SNTG2: variants seen among roughly 807,000 people sequenced by gnomAD.
SNTG2 encodes gamma-2-syntrophin.
A neutral mutation model predicts 70.9 loss-of-function variants in SNTG2; 74 were observed. That is an observed-to-expected ratio of 1.04 (90% CI 0.86 to 1.27). The LOEUF (loss-of-function observed/expected upper bound fraction) is 1.27. Among genes scored for constraint, SNTG2 ranks in the 50% most tolerant of loss-of-function variants. SNTG2 has a pLI of 0.00. For synonymous variants in SNTG2, 278 were observed against 273.8 expected (o/e 1.02, Z -0.15); for missense variants, 717 against 690.7 (o/e 1.04, Z -0.43).
intron 16 of SNTG2, among the ~76,000 whole-genome samples, chr2:1,329,826 TC>T (rs1300411160): frequency 6.6e-6 from 1 of 152,208 alleles, no homozygotes; most frequent in African/African-American, 2.4e-5. Flanking sequence ...CGGAAGTTTT[TC>T]TCTGTCAAGA....
intron 1 of SNTG2, among the ~76,000 whole-genome samples, chr2:1,077,613 T>G (rs180749698): frequency 6.6e-6 from 1 of 152,202 alleles, no homozygotes; most frequent in African/African-American, 2.4e-5. Context: ...TTTATTTCTA[T>G]GTAATGAATC....
At chr2:1,195,666 G>T (rs1441116386) in intron 8 of SNTG2, among the ~76,000 whole-genome samples, 1 of 152,142 alleles carries the variant, frequency 6.6e-6, no homozygotes, top group Non-Finnish European at 1.5e-5. Flanking sequence ...CTCCCATTCT[G>T]TAGGCTGCCT....
intron 14 of SNTG2, among the ~76,000 whole-genome samples, chr2:1,289,489 G>T (rs79126128): frequency 1.5e-3 from 226 of 152,242 alleles, no homozygotes; most frequent in Middle Eastern, 6.8e-3. Context: ...GAAGCCCATG[G>T]CACACTTTGT....
rs141756298 is a variant in SNTG2 at position 1,183,782 on chromosome 2, G to A, written c.591+10599G>A. Among the ~76,000 whole-genome samples the A allele has an allele frequency of 3.8e-3, 577 of 152,038 alleles. 5 individuals carry two copies. The highest frequency in any genetic ancestry group is 0.013 in the African/African-American group (550 of 41,488). On this transcript the variant is annotated intron_variant, in intron 8 of 16. Transcript: ENST00000308624. ...TCAGATGCAAAAGGCATTTATTCTTGCTGAAGGAAAAATTAAGGAAACCTA... is the reference window on the plus strand; with the variant it reads ...TCAGATGCAAAAGGCATTTATTCTTACTGAAGGAAAAATTAAGGAAACCTA...
intron 14 of SNTG2, among the ~76,000 whole-genome samples, chr2:1,285,788 T>G (rs200853112): frequency 1.9e-5 from 1 of 53,264 alleles, no homozygotes; most frequent in Non-Finnish European, 4.1e-5. Context: ...GCAGGTCGTG[T>G]TTTTTTTTCC....
chr2:998,400 G>A (rs1433907838), intron 1 of SNTG2, among the ~76,000 whole-genome samples: 3 of 151,506 alleles, frequency 2.0e-5, no homozygotes, highest in Non-Finnish European at 4.4e-5. Flanking sequence ...AAAGAAATCG[G>A]AAAAAAATCA....
At chr2:1,089,193 C>A (rs893465635) in intron 2 of SNTG2, among the ~76,000 whole-genome samples, 6 of 152,196 alleles carry the variant, frequency 3.9e-5, no homozygotes, top group Non-Finnish European at 7.3e-5. Flanking sequence ...CCGACTCTTA[C>A]AAAATTTACC....
chr2:1,260,722 A>G (rs1678368133), intron 13 of SNTG2, among the ~76,000 whole-genome samples: 1 of 152,262 alleles, frequency 6.6e-6, no homozygotes, highest in Non-Finnish European at 1.5e-5. Flanking sequence ...CCTTATGTTA[A>G]CATGAGCCTC....
At chr2:1,297,630 C>T (rs1192443299) in intron 14 of SNTG2, among the ~76,000 whole-genome samples, 1 of 152,174 alleles carries the variant, frequency 6.6e-6, no homozygotes, top group East Asian at 1.9e-4. Flanking sequence ...AGTGGCCCAG[C>T]CTGGCGCATC....
chr2:1,045,621 T>A (rs1661691285), intron 1 of SNTG2, among the ~76,000 whole-genome samples: 1 of 152,206 alleles, frequency 6.6e-6, no homozygotes, highest in African/African-American at 2.4e-5. Flanking sequence ...ATTTCTGACT[T>A]AATTTCATTA....
At chr2:1,306,130 G>A (rs1348262705) in intron 14 of SNTG2, among the ~76,000 whole-genome samples, 5 of 152,194 alleles carry the variant, frequency 3.3e-5, no homozygotes, top group East Asian at 1.9e-4. Context: ...CAGGTTTATG[G>A]AAGGTGGGCA....
At chr2:1,131,367 G>A (rs996132607) in intron 4 of SNTG2, among the ~76,000 whole-genome samples, 1 of 152,116 alleles carries the variant, frequency 6.6e-6, no homozygotes, top group Non-Finnish European at 1.5e-5. Context: ...TCATGCTCAG[G>A]GGATGGATTC....
chr2:1,141,174 A>G (rs1668724310), intron 6 of SNTG2, among the ~76,000 whole-genome samples: 1 of 152,230 alleles, frequency 6.6e-6, no homozygotes, highest in African/African-American at 2.4e-5. Context: ...TGTTAGCAGA[A>G]GAAGGGGTTC....
intron 1 of SNTG2, among the ~76,000 whole-genome samples, chr2:1,076,832 T>G (rs1194426875): frequency 6.6e-6 from 1 of 152,222 alleles, no homozygotes; most frequent in Non-Finnish European, 1.5e-5. Flanking sequence ...AAATAATCAA[T>G]AATAAATAAT....
chr2:1,334,910 A>G (rs1034432131), intron 16 of SNTG2, among the ~76,000 whole-genome samples: 4 of 152,178 alleles, frequency 2.6e-5, no homozygotes, highest in African/African-American at 9.7e-5. Flanking sequence ...ATGTAACCAA[A>G]AACCCCCATT....
chr2:1,156,290 G>C (rs79204611), intron 6 of SNTG2, among the ~76,000 whole-genome samples: 1 of 152,102 alleles, frequency 6.6e-6, no homozygotes, highest in Non-Finnish European at 1.5e-5. Context: ...TAGATAGATC[G>C]AGGGCAGCTC....
chr2:1,115,332 G>C (rs923789194), intron 4 of SNTG2, among the ~76,000 whole-genome samples: 9 of 152,050 alleles, frequency 5.9e-5, no homozygotes, highest in Non-Finnish European at 1.2e-4. Flanking sequence ...CCTTGGAGGA[G>C]GATCATGTGT....
chr2:1,004,725 G>A (rs1659514588), intron 1 of SNTG2, among the ~76,000 whole-genome samples: 1 of 152,204 alleles, frequency 6.6e-6, no homozygotes, highest in South Asian at 2.1e-4. Flanking sequence ...TGCAAGTATG[G>A]TGAAGTCATT....
intron 8 of SNTG2, among the ~76,000 whole-genome samples, chr2:1,180,612 T>C (rs928184185): frequency 9.4e-5 from 14 of 148,964 alleles, no homozygotes; most frequent in Non-Finnish European, 1.6e-4. Context: ...ACTTTTACAC[T>C]GTTGATGGGA....
Sources: gnomAD v4.1 joint callset for allele counts (sites outside exome capture counted in the v4.1 genomes callset) on GRCh38, gnomAD v4.1.1 for gene constraint, MANE v1.5 for transcripts, NCBI Gene and HGNC (gene_info 2026-07-23, HGNC 2026-07-21) for gene names.